Variants in TMEM248 observed in about 807,000 individuals in gnomAD.
TMEM248 encodes the protein transmembrane protein 248.
A neutral mutation model predicts 30.3 loss-of-function variants in TMEM248; 9 were observed. The observed-to-expected ratio is 0.30, with a 90% CI of 0.18 to 0.52. The LOEUF is 0.52. Ranked by LOEUF, TMEM248 falls within the 20% of genes least tolerant of loss-of-function variation. The pLI is 0.97. For missense variants in TMEM248, 338 were observed against 403.3 expected, an observed-to-expected ratio of 0.84 and a Z score of 1.39; for synonymous variants, 184 against 154.4, an observed-to-expected ratio of 1.19 and a Z score of -1.42.
chr7:66,922,894 C>T (rs1405903273), intron 1 of TMEM248, among the ~76,000 whole-genome samples: 1 of 152,022 alleles, frequency 6.6e-6, no homozygotes, highest in Non-Finnish European at 1.5e-5. Context: ...TTAGTAGAGA[C>T]AAGGTTTCAC....
chr7:66,931,016 T>C (rs932772571), intron 1 of TMEM248: 1 of 152,472 alleles, frequency 6.6e-6, no homozygotes, highest in African/African-American at 2.4e-5. Flanking sequence ...TTAAGATGAA[T>C]GGTGGGCCTG....
At chr7:66,921,996 C>T (rs1031859414) in intron 1 of TMEM248, 3 of 152,172 alleles carry the variant, frequency 2.0e-5, no homozygotes, top group African/African-American at 7.2e-5. Flanking sequence ...AATCTAGAGG[C>T]ATGTAGTTTC....
intron 1 of TMEM248, among the ~76,000 whole-genome samples, chr7:66,924,037 A>G (rs910217509): frequency 6.6e-6 from 1 of 152,242 alleles, no homozygotes; most frequent in Non-Finnish European, 1.5e-5. Context: ...GCATAAAACA[A>G]TGCTTAACTT....
At chr7:66,931,792 CTTTTTTTTT>C (rs1156882038) in intron 1 of TMEM248, among the ~76,000 whole-genome samples, 24 of 88,432 alleles carry the variant, frequency 2.7e-4, no homozygotes, top group African/African-American at 7.5e-4. Flanking sequence ...GGCCTTCCTC[CTTTTTTTTT>C]TTTTTTTTTT....
In TMEM248 at chr7:66,952,105, T is replaced by G. The variant is rs1037070622; in HGVS notation, c.780+970T>G. On this transcript the variant is annotated intron_variant, in intron 5 of 6. Transcript: ENST00000341567. ...TTTTAATTTTTTTTTATTTTTATTTTTTGAGATTGAGTCTTTCTCTGTCAC... is the reference window on the plus strand; with the variant it reads ...TTTTAATTTTTTTTTATTTTTATTTGTTGAGATTGAGTCTTTCTCTGTCAC... Among the ~76,000 whole-genome samples the G allele has an allele frequency of 1.2e-4, 18 of 152,304 alleles. 1 individual carries two copies. The South Asian group carries it at 1.7e-3, about 14-fold the overall frequency.
chr7:66,949,882 A>C (rs1473796303), intron 4 of TMEM248, among the ~76,000 whole-genome samples: 2 of 152,172 alleles, frequency 1.3e-5, no homozygotes, highest in Non-Finnish European at 2.9e-5. Context: ...TAGGTGAAAT[A>C]CATAAGATAT....
chr7:66,937,842 C>T (rs987654065), intron 1 of TMEM248, among the ~76,000 whole-genome samples: 2 of 152,218 alleles, frequency 1.3e-5, no homozygotes, highest in African/African-American at 4.8e-5. Context: ...TCCCGAGTAG[C>T]TGGGATTATA....
At chr7:66,955,395 T>A (rs545081331) in intron 6 of TMEM248, 107 bp from the exon 7 acceptor site, 2 of 1,272,490 alleles carry the variant, frequency 1.6e-6, no homozygotes, top group Non-Finnish European at 2.2e-6. Flanking sequence ...GTAACTTCAC[T>A]GTCTGGTTGA....
At chr7:66,937,720 CTTTTT>C (rs1562940062) in intron 1 of TMEM248, among the ~76,000 whole-genome samples, 3 of 151,742 alleles carry the variant, frequency 2.0e-5, no homozygotes, top group Admixed American at 2.0e-4. Context: ...TCTTTATTTT[CTTTTT>C]TTGAGACGGA....
chr7:66,945,300 ACCACTGTT>A (rs1326286659), intron 3 of TMEM248, 39 bp downstream of exon 3: 1 of 1,594,106 alleles, frequency 6.3e-7, no homozygotes, highest in Admixed American at 1.7e-5. Context: ...TCCTTAGGCA[ACCACTGTT>A]ACAAAAAGAG....
In TMEM248 at chr7:66,953,078, G is replaced by A. The variant is rs1584417962; in HGVS notation, c.781-148G>A. On this transcript the variant is annotated intron_variant, in intron 5 of 6. Coordinates refer to ENST00000341567, the MANE Select transcript of TMEM248 (RefSeq NM_017994.5). ...GAGACCCAGCTTTGGTCATTTAGGA[G>A]GCAAAAGGAGAAACCTCCTCTTGCA... is the stretch of plus-strand genomic sequence containing the variant. 3.0e-5 allele frequency: 25 copies of A among 836,978 alleles called. No homozygotes were observed. In the East Asian group the frequency reaches 6.4e-4, roughly 21 times the overall value. 51.8% of individuals were successfully genotyped at this position (836,978 alleles called of 1,614,324 possible). A position where few individuals can be genotyped will look rare whatever the true frequency, so the allele number is the denominator to read the frequency against.
Position 66,953,300 on chromosome 7 carries a change from T to C in TMEM248, c.855T>C (p.Phe285=). Residue 285 remains phenylalanine (F), a synonymous_variant, in exon 6 of 7, where the codon TTT becomes TTC. Transcript: ENST00000341567. The stretch of plus-strand genomic sequence containing the variant: ...TCTTTGTGATGGTGATAACAATGTT[T>C]TGCTATGCTGTTATCAAGGGCAGAC... ...YFLFVMVITM[F]CYAVIKGRPS... The C allele has an allele frequency of 1.9e-6, 3 of 1,614,186 alleles. No individual in the cohort carries two copies. Among genetic ancestry groups the C allele is most frequent in the Non-Finnish European group, 2.5e-6 (3 of 1,180,038 alleles).
intron 1 of TMEM248, among the ~76,000 whole-genome samples, chr7:66,927,428 C>T (rs1008325549): frequency 6.6e-6 from 1 of 150,858 alleles, no homozygotes; most frequent in Non-Finnish European, 1.5e-5. Flanking sequence ...CTTGTAATTT[C>T]TTATTTGATC....
intron 4 of TMEM248, among the ~76,000 whole-genome samples, chr7:66,950,082 T>C (rs2901311): frequency 0.26 from 39,935 of 151,902 alleles, 5,753 homozygotes; most frequent in Middle Eastern, 0.36. Context: ...TGCTTTGGGC[T>C]GGGCGCAATG....
At chr7:66,932,807 C>T (rs573656656) in intron 1 of TMEM248, among the ~76,000 whole-genome samples, 98 of 150,600 alleles carry the variant, frequency 6.5e-4, no homozygotes, top group Non-Finnish European at 8.1e-4. Context: ...TGAGCCACCG[C>T]GCCTGGCCGA....
intron 6 of TMEM248, among the ~76,000 whole-genome samples, chr7:66,955,014 G>A (rs1026455905): frequency 1.3e-5 from 2 of 152,136 alleles, no homozygotes. Context: ...GTAATCCCAG[G>A]ACTTTTAGGA....
At position 66,958,145 on chromosome 7, in the gene TMEM248, C is replaced by T. The variant is rs1200018264; in HGVS notation, c.*2623C>T. The T allele has an allele frequency of 6.5e-6, 1 of 152,818 alleles. No individual in the cohort carries two copies. The highest frequency in any genetic ancestry group is 1.5e-5 in the Non-Finnish European group (1 of 68,066). 9.5% of individuals were successfully genotyped at this position (152,818 alleles called of 1,614,324 possible). A position where few individuals can be genotyped will look rare whatever the true frequency, so the allele number is the denominator to read the frequency against. On this transcript the variant is annotated 3_prime_UTR_variant, in exon 7 of 7. Coordinates refer to ENST00000341567, the MANE Select transcript of TMEM248 (RefSeq NM_017994.5). ...GTGCGCTTGCTGTTCAGGGCGGCCCCGTGCAGGAGCACCAGCTCACCCTCA... is the reference window on the plus strand; with the variant it reads ...GTGCGCTTGCTGTTCAGGGCGGCCCTGTGCAGGAGCACCAGCTCACCCTCA...
intron 5 of TMEM248, among the ~76,000 whole-genome samples, chr7:66,951,509 C>T (rs1383733557): frequency 1.3e-5 from 2 of 151,926 alleles, no homozygotes; most frequent in South Asian, 2.1e-4. Context: ...AGAAATAGTG[C>T]TGCTTAGAGT....
chr7:66,927,857 C>T (rs1327206218), intron 1 of TMEM248, among the ~76,000 whole-genome samples: 2 of 152,070 alleles, frequency 1.3e-5, no homozygotes, highest in Non-Finnish European at 2.9e-5. Context: ...GAAGACTGTG[C>T]CAGTCTTTGC....
Sources: gnomAD v4.1 joint callset for allele counts (sites outside exome capture counted in the v4.1 genomes callset) on GRCh38, gnomAD v4.1.1 for gene constraint, MANE v1.5 for transcripts, NCBI Gene and HGNC (gene_info 2026-07-23, HGNC 2026-07-21) for gene names.